TSC22D1: variants seen among roughly 807,000 people sequenced by gnomAD.
TSC22D1 encodes TSC22 domain family protein 1.
In TSC22D1, 9 loss-of-function variants were observed where a neutral mutation model predicts 74.2. The observed-to-expected ratio is 0.12, with a 90% CI of 0.07 to 0.21. TSC22D1 has a LOEUF of 0.21. Ranked by LOEUF, TSC22D1 falls within the 10% of genes least tolerant of loss-of-function variation. TSC22D1 has a pLI of 1.00. For synonymous variants in TSC22D1, 586 were observed against 492.5 expected (o/e 1.19, Z -2.51); for missense variants, 1,427 against 1,304.7 (o/e 1.09, Z -1.44).
chr13:44,551,483 C>T (rs2138150926), intron 1 of TSC22D1, among the ~76,000 whole-genome samples: 1 of 151,880 alleles, frequency 6.6e-6, no homozygotes, highest in African/African-American at 2.4e-5. Flanking sequence ...TGCAGTGGCA[C>T]AATCTTAGCT....
At chr13:44,542,321 A>T (rs950812305) in intron 1 of TSC22D1, among the ~76,000 whole-genome samples, 1 of 152,094 alleles carries the variant, frequency 6.6e-6, no homozygotes, top group African/African-American at 2.4e-5. Context: ...CACTTTGAAA[A>T]TGAAAAACAA....
At chr13:44,509,950 C>CAAAAAAAAAAAAAAAAAAAAAAACAAA in intron 1 of TSC22D1, among the ~76,000 whole-genome samples, 2 of 51,426 alleles carry the variant, frequency 3.9e-5, no homozygotes, top group African/African-American at 7.5e-5. Flanking sequence ...AGAAAATAAG[C>CAAAAAAAAAAAAAAAAAAAAAAACAAA]AAAAAAAAAA....
intron 1 of TSC22D1, among the ~76,000 whole-genome samples, chr13:44,554,772 G>A (rs1311751847): frequency 6.6e-6 from 1 of 151,838 alleles, no homozygotes; most frequent in East Asian, 1.9e-4. Flanking sequence ...AGGACACAGT[G>A]ACCCTGACCG....
intron 1 of TSC22D1, among the ~76,000 whole-genome samples, chr13:44,444,613 A>G (rs1875490639): frequency 6.6e-6 from 1 of 152,134 alleles, no homozygotes; most frequent in South Asian, 2.1e-4. Context: ...TTTTATCATT[A>G]TGTTCTCTGA....
At chr13:44,552,074 C>T (rs1882318650) in intron 1 of TSC22D1, among the ~76,000 whole-genome samples, 1 of 152,150 alleles carries the variant, frequency 6.6e-6, no homozygotes, top group Non-Finnish European at 1.5e-5. Flanking sequence ...TTATGCTGGC[C>T]ATCGTAAAGG....
chr13:44,452,145 T>C (rs894607362), intron 1 of TSC22D1, among the ~76,000 whole-genome samples: 7 of 152,094 alleles, frequency 4.6e-5, no homozygotes, highest in Admixed American at 1.3e-4. Flanking sequence ...ATAACAGAAC[T>C]AAGCCTTAAG....
At position 44,456,168 on chromosome 13, in the gene TSC22D1, G is replaced by A. The variant is rs143229506; in HGVS notation, c.2913-20073C>T. On this transcript the variant is annotated intron_variant, in intron 1 of 2. Coordinates refer to ENST00000458659, the MANE Select transcript of TSC22D1 (RefSeq NM_183422.4). ...TGTTACAGCTCAGCTCATAAAGGTA[G>A]TGCAGACCCAAAAAGTGAGCAGCAG... Among the ~76,000 whole-genome samples the A allele has an allele frequency of 7.0e-3, 1,073 of 152,292 alleles. 14 individuals carry two copies. The highest frequency in any genetic ancestry group is 0.024 in the African/African-American group (996 of 41,550).
chr13:44,515,160 T>C (rs1369103364), intron 1 of TSC22D1, among the ~76,000 whole-genome samples: 1 of 152,178 alleles, frequency 6.6e-6, no homozygotes, highest in Non-Finnish European at 1.5e-5. Context: ...TATATGCAGA[T>C]AGACAGGAAC....
chr13:44,530,015 T>G (rs1166523711), intron 1 of TSC22D1, among the ~76,000 whole-genome samples: 3 of 152,068 alleles, frequency 2.0e-5, no homozygotes, highest in Non-Finnish European at 4.4e-5. Context: ...ATCTTTAGAT[T>G]CAGTGCAATC....
At chr13:44,437,051 C>T (rs901202486) in intron 1 of TSC22D1, 6 of 977,068 alleles carry the variant, frequency 6.1e-6, no homozygotes, top group Non-Finnish European at 7.3e-6. Flanking sequence ...GCGGGCCGTG[C>T]TCAGAGGGAG....
At chr13:44,516,996 T>C (rs1002222716) in intron 1 of TSC22D1, among the ~76,000 whole-genome samples, 1 of 152,160 alleles carries the variant, frequency 6.6e-6, no homozygotes. Context: ...GCAACAATCC[T>C]AAAAAAGCAA....
At position 44,482,495 on chromosome 13, in the gene TSC22D1, C is replaced by T. The variant is rs140703122; in HGVS notation, c.2913-46400G>A. Among the ~76,000 whole-genome samples, 916 of 152,248 alleles carry T rather than the reference C, an allele frequency of 6.0e-3. 8 individuals carry two copies. Among genetic ancestry groups the T allele is most frequent in the African/African-American group, 0.021 (862 of 41,544 alleles). On this transcript the variant is annotated intron_variant, in intron 1 of 2. Coordinates refer to ENST00000458659, the MANE Select transcript of TSC22D1 (RefSeq NM_183422.4). ...CAGGGGCTGCAGTGAGCCGAGATCA[C>T]GCCACTGCACTCCAGCCTGGGCAAC...
Position 44,450,019 on chromosome 13 carries a change from G to A in TSC22D1, c.2913-13924C>T, listed in dbSNP as rs1345826394. Among the ~76,000 whole-genome samples, 7 of 152,146 alleles carry A rather than the reference G, an allele frequency of 4.6e-5. No homozygotes were observed. In the East Asian group the frequency reaches 5.8e-4, roughly 13 times the overall value. ...TTGCAGGGGGCAAGGGGAGAAAGACGTATGATATTTTGTATAATTTGAGTG... is the reference window on the plus strand; with the variant it reads ...TTGCAGGGGGCAAGGGGAGAAAGACATATGATATTTTGTATAATTTGAGTG... On this transcript the variant is annotated intron_variant, in intron 1 of 2. Coordinates refer to ENST00000458659, the MANE Select transcript of TSC22D1 (RefSeq NM_183422.4).
intron 1 of TSC22D1, among the ~76,000 whole-genome samples, chr13:44,554,630 CAA>C (rs59922380): frequency 2.1e-3 from 147 of 68,620 alleles, no homozygotes; most frequent in African/African-American, 6.7e-3. Flanking sequence ...ATACCAGGAA[CAA>C]AAAAAAAAAA....
rs1884153162 is a variant in TSC22D1 at position 44,575,452 on chromosome 13, T to C, written c.623A>G (p.Asn208Ser). Residue 208 changes from asparagine (N) to serine (S), a missense_variant, in exon 1 of 3, where the codon AAT (asparagine) becomes AGT (serine). By Grantham distance (46) the Asn-to-Ser change is conservative. Around this residue, in one of 3 missense-constraint regions of TSC22D1, gnomAD observed 1,343 missense variants for 1,191.5 expected, o/e 1.13. Transcript: ENST00000458659. ...QPHLPHLPQQNVVINGNAHPH... is the reference protein window; with the variant it reads ...QPHLPHLPQQSVVINGNAHPH... The stretch of plus-strand genomic sequence containing the variant: ...ATGAGCATTCCCATTGATCACAACA[T>C]TCTGTTGTGGAAGGTGAGGCAAATG... The C allele has an allele frequency of 1.2e-6, 2 of 1,613,972 alleles. No individual in the cohort carries two copies. The highest frequency in any genetic ancestry group is 1.7e-6 in the Non-Finnish European group (2 of 1,180,026).
intron 1 of TSC22D1, among the ~76,000 whole-genome samples, chr13:44,519,882 A>G (rs1880227535): frequency 6.6e-6 from 1 of 152,156 alleles, no homozygotes; most frequent in Admixed American, 6.5e-5. Context: ...TAGATGATGG[A>G]TTATGGTGTA....
At chr13:44,476,646 C>G (rs779941510) in intron 1 of TSC22D1, among the ~76,000 whole-genome samples, 1 of 152,126 alleles carries the variant, frequency 6.6e-6, no homozygotes, top group African/African-American at 2.4e-5. Flanking sequence ...TTAGTAATTA[C>G]AATCTACATT....
intron 1 of TSC22D1, among the ~76,000 whole-genome samples, chr13:44,509,008 A>G (rs1879563618): frequency 6.6e-6 from 1 of 152,208 alleles, no homozygotes; most frequent in Admixed American, 6.5e-5. Flanking sequence ...CAAAATAACA[A>G]GTTTAGGGAA....
chr13:44,459,245 G>A (rs1404663767), intron 1 of TSC22D1, among the ~76,000 whole-genome samples: 1 of 152,160 alleles, frequency 6.6e-6, no homozygotes. Context: ...GGGTCTGCTC[G>A]ACTTGTGGGG....
Sources: gnomAD v4.1 joint callset for allele counts (sites outside exome capture counted in the v4.1 genomes callset) on GRCh38, gnomAD v4.1.1 for gene constraint, gnomAD v4.1.1 regional missense constraint, MANE v1.5 for transcripts, NCBI Gene and HGNC (gene_info 2026-07-23, HGNC 2026-07-21) for gene names.